Variants in FADS2 observed in about 807,000 individuals in gnomAD.
FADS2 encodes acyl-CoA 6-desaturase.
In FADS2, 18 loss-of-function variants were observed where a neutral mutation model predicts 61.2. The observed-to-expected ratio is 0.29, with a 90% CI of 0.20 to 0.44. The LOEUF (loss-of-function observed/expected upper bound fraction) is 0.44. FADS2 is among the 20% of genes least tolerant of loss of function. The probability of loss-of-function intolerance (pLI) is 1.00; values close to 1 mark genes in which losing one functional copy is unlikely to be tolerated. For missense variants in FADS2, 322 were observed against 572.7 expected (o/e 0.56, Z 4.47); for synonymous variants, 203 against 223.9 (o/e 0.91, Z 0.83).
Position 61,853,290 on chromosome 11 carries a change from C to CCCTTCCTTCCTTCCTTCCTTCCTT in FADS2, c.745-3700_745-3677dup, listed in dbSNP as rs59872671. Among the ~76,000 whole-genome samples, 154 of 81,742 alleles carry CCCTTCCTTCCTTCCTTCCTTCCTT rather than the reference C, an allele frequency of 1.9e-3. 3 individuals carry two copies. The highest frequency in any genetic ancestry group is 4.7e-3 in the South Asian group (9 of 1,906). The allele number at this position is 81,742 out of a possible 152,430, so 53.6% of individuals were successfully genotyped here. Reference sequence around the variant, plus strand: ...CCCTCCCTCCCTTCCCTCCCTCCCTCCCTTCCTTCCTTCCTTCCTTCCTTC... The same window carrying CCCTTCCTTCCTTCCTTCCTTCCTT: ...CCCTCCCTCCCTTCCCTCCCTCCCTCCCTTCCTTCCTTCCTTCCTTCCTTCCTTCCTTCCTTCCTTCCTTCCTTC... On this transcript the variant is annotated intron_variant, in intron 5 of 11. Coordinates refer to ENST00000278840, the MANE Select transcript of FADS2 (RefSeq NM_004265.4).
At chr11:61,852,567 T>C (rs2067316614) in intron 5 of FADS2, among the ~76,000 whole-genome samples, 2 of 152,232 alleles carry the variant, frequency 1.3e-5, no homozygotes, top group African/African-American at 4.8e-5. Context: ...GGCCAAGGTC[T>C]GTACTTCTTT....
chr11:61,841,539 CAA>C (rs775807296), intron 4 of FADS2, among the ~76,000 whole-genome samples: 2 of 135,804 alleles, frequency 1.5e-5, no homozygotes, highest in Non-Finnish European at 1.6e-5. Flanking sequence ...CCCCATCTCT[CAA>C]AAAAAAAAAA....
chr11:61,820,378 G>A (rs532668250), intron 1 of FADS2, among the ~76,000 whole-genome samples: 2 of 152,222 alleles, frequency 1.3e-5, no homozygotes, highest in South Asian at 4.1e-4. Flanking sequence ...TTATAGGTCA[G>A]TAGGATAGAT....
chr11:61,832,753 G>A (rs957927836), intron 1 of FADS2, among the ~76,000 whole-genome samples: 6 of 152,156 alleles, frequency 3.9e-5, no homozygotes, highest in Non-Finnish European at 7.4e-5. Flanking sequence ...TGGAGAATGC[G>A]AGGATCCCTC....
At chr11:61,853,568 G>T (rs174597) in intron 5 of FADS2, among the ~76,000 whole-genome samples, 1 of 151,698 alleles carries the variant, frequency 6.6e-6, no homozygotes, top group African/African-American at 2.4e-5. Flanking sequence ...GAAGCCGTGC[G>T]GTGCCTGAGA....
intron 9 of FADS2, 128 bp downstream of exon 9, chr11:61,863,506 G>C (rs1337740345): frequency 8.6e-6 from 7 of 815,516 alleles, no homozygotes; most frequent in Admixed American, 6.6e-5. Flanking sequence ...TTTGCTGGGA[G>C]CTTCAGGGCT....
chr11:61,861,371 A>AAAGAAAAAAAAAAC (rs1555078396), intron 7 of FADS2, among the ~76,000 whole-genome samples: 1 of 106,458 alleles, frequency 9.4e-6, no homozygotes, highest in Non-Finnish European at 2.2e-5. Flanking sequence ...AAAAAAAAAA[A>AAAGAAAAAAAAAAC]CAGAAATTAG....
At chr11:61,864,038 A>T (rs3168072) in intron 10 of FADS2, 28,995 of 485,338 alleles carry the variant, frequency 0.06, 2,870 homozygotes, top group Admixed American at 0.31. Context: ...ACCTCCCTCC[A>T]TGTGGGCCTG....
At chr11:61,844,416 CAA>C (rs1193219353) in intron 4 of FADS2, among the ~76,000 whole-genome samples, 2 of 151,768 alleles carry the variant, frequency 1.3e-5, no homozygotes, top group Non-Finnish European at 2.9e-5. Context: ...ACTAAAAAAA[CAA>C]AAATTAGCCA....
upstream of FADS2, among the ~76,000 whole-genome samples, chr11:61,824,523 G>GA (rs57668028): frequency 6.9e-5 from 6 of 87,494 alleles, no homozygotes; most frequent in African/African-American, 1.7e-4. Context: ...AAGAAAGAAA[G>GA]AAAGAAAAAT....
rs550592305 is a variant in FADS2 at position 61,839,317 on chromosome 11, T to G, written c.319-1017T>G. On this transcript the variant is annotated intron_variant, in intron 2 of 11. Coordinates refer to ENST00000278840, the MANE Select transcript of FADS2 (RefSeq NM_004265.4). ...AAATGCAAGTTTTATTTTTCTTTTC[T>G]TTTCTTTCTTTCTTTTTTTTTTTGA... is the stretch of plus-strand genomic sequence containing the variant. Among the ~76,000 whole-genome samples, 3 of 151,304 alleles carry G rather than the reference T, an allele frequency of 2.0e-5. No homozygotes were observed. In the South Asian group the frequency reaches 6.2e-4, roughly 31 times the overall value.
chr11:61,830,011 C>CATTG lies in FADS2; in HGVS notation c.207+1415_207+1418dup, dbSNP rs148924726. ...CCATCCTGTTTTACTTGCTTGTGGA[C>CATTG]ATTGCTTAAGCCCAGTGGGTTTGTG... On this transcript the variant is annotated intron_variant, in intron 1 of 11. Transcript: ENST00000278840. 4.6e-3 allele frequency among the ~76,000 whole-genome samples: 702 copies of CATTG among 152,322 alleles called. 7 individuals are homozygous for CATTG. Among genetic ancestry groups the CATTG allele is most frequent in the African/African-American group, 0.014 (588 of 41,564 alleles).
intron 1 of FADS2, among the ~76,000 whole-genome samples, chr11:61,817,464 T>C (rs546727836): frequency 9.2e-5 from 14 of 152,368 alleles, no homozygotes; most frequent in Non-Finnish European, 1.6e-4. Context: ...GGGCTGTTAA[T>C]GCTTTAATTT....
chr11:61,819,107 C>G (rs1310134137), intron 1 of FADS2, among the ~76,000 whole-genome samples: 7 of 152,116 alleles, frequency 4.6e-5, no homozygotes, highest in African/African-American at 7.2e-5. Flanking sequence ...ATCTCCTGAC[C>G]TCGTGATCTG....
intron 1 of FADS2, among the ~76,000 whole-genome samples, chr11:61,820,283 T>C (rs2067027624): frequency 6.6e-6 from 1 of 151,930 alleles, no homozygotes; most frequent in African/African-American, 2.4e-5. Context: ...CCTACTTTGG[T>C]AAGGTGCTGG....
chr11:61,863,423 A>G (rs781068111), intron 9 of FADS2, 45 bp downstream of exon 9: 17 of 1,408,764 alleles, frequency 1.2e-5, no homozygotes, highest in Non-Finnish European at 1.7e-5. Context: ...CCCAATGTCC[A>G]TGTCCTGGCC....
At chr11:61,833,511 T>C (rs1172657698) in intron 1 of FADS2, among the ~76,000 whole-genome samples, 1 of 152,188 alleles carries the variant, frequency 6.6e-6, no homozygotes. Flanking sequence ...CGGGCAATGC[T>C]CAAGGTAGCC....
At chr11:61,817,112 A>T in intron 1 of FADS2, 1 of 549,570 alleles carries the variant, frequency 1.8e-6, no homozygotes, top group Non-Finnish European at 2.8e-6. Context: ...CGGTAGGAAC[A>T]GCGGTTCTAG....
At chr11:61,843,720 G>A (rs371647710) in intron 4 of FADS2, among the ~76,000 whole-genome samples, 62 of 152,254 alleles carry the variant, frequency 4.1e-4, no homozygotes, top group African/African-American at 7.9e-4. Context: ...GTGCAATGGC[G>A]TGATCTCAAC....
Sources: gnomAD v4.1 joint callset for allele counts (sites outside exome capture counted in the v4.1 genomes callset) on GRCh38, gnomAD v4.1.1 for gene constraint, MANE v1.5 for transcripts, NCBI Gene and HGNC (gene_info 2026-07-23, HGNC 2026-07-21) for gene names.